The following RANBP2 variants were observed in gnomAD, a reference collection of about 807,000 sequenced individuals.
RANBP2 encodes the protein E3 SUMO-protein ligase RanBP2.
A neutral mutation model predicts 303.6 loss-of-function variants in RANBP2; 57 were observed. The ratio of observed to expected loss-of-function variants is 0.19; its 90% CI spans 0.15 to 0.23. The LOEUF (loss-of-function observed/expected upper bound fraction) is 0.23, where lower values mean the gene tolerates loss of function less well. RANBP2 is among the 10% of genes least tolerant of loss of function. The probability of loss-of-function intolerance (pLI) is 1.00; values close to 1 mark genes in which losing one functional copy is unlikely to be tolerated. For synonymous variants in RANBP2, 1,167 were observed against 1,301.5 expected, an observed-to-expected ratio of 0.90 and a Z score of 2.23; for missense variants, 3,138 against 3,780.8, an observed-to-expected ratio of 0.83 and a Z score of 4.46.
At position 108,768,098 on chromosome 2, in the gene RANBP2, C is replaced by T. The variant is rs1677239708; in HGVS notation, c.7559C>T (p.Ser2520Phe). 1.2e-6 allele frequency: 2 copies of T among 1,611,916 alleles called. No homozygotes were observed. Among genetic ancestry groups the T allele is most frequent in the Non-Finnish European group, 8.5e-7 (1 of 1,179,874 alleles). Residue 2520 changes from serine to phenylalanine, a missense_variant, in exon 20 of 29, where the codon TCT becomes TTT. Coordinates refer to ENST00000283195, the MANE Select transcript of RANBP2 (RefSeq NM_006267.5). Reference sequence around the variant, plus strand: ...CCAAAGTTTGTATTTGGTTCAGAGTCTGTTAAAAGCATTTTTAGTAGTGAA... The same window carrying T: ...CCAAAGTTTGTATTTGGTTCAGAGTTTGTTAAAAGCATTTTTAGTAGTGAA... ...SPPKFVFGSE[S>F]VKSIFSSEKS... is the part of the protein sequence containing the mutation.
the RANBP2 span, chr2:109,371,825 G>A: frequency 9.6e-6 from 7 of 725,838 alleles, no homozygotes; most frequent in African/African-American, 8.8e-5. Flanking sequence ...GCTGCTATGT[G>A]TGGGCTTTGA....
the RANBP2 span, among the ~76,000 whole-genome samples, chr2:109,222,063 C>A: frequency 6.6e-6 from 1 of 151,754 alleles, no homozygotes; most frequent in Non-Finnish European, 1.5e-5. Flanking sequence ...GATGAAACTG[C>A]AGGTGGTTAT....
the RANBP2 span, among the ~76,000 whole-genome samples, chr2:109,481,766 C>T: frequency 5.3e-5 from 8 of 152,114 alleles, no homozygotes; most frequent in African/African-American, 1.2e-4. Flanking sequence ...TGTCACTCCT[C>T]GGCCTCCCCT....
chr2:109,178,430 G>A, the RANBP2 span, among the ~76,000 whole-genome samples: 1 of 151,988 alleles, frequency 6.6e-6, no homozygotes, highest in East Asian at 1.9e-4. Context: ...TTATTGTTTT[G>A]TGAGCTCTAG....
intron 18 of RANBP2, among the ~76,000 whole-genome samples, chr2:108,761,388 A>C (rs1010203199): frequency 4.6e-5 from 7 of 152,136 alleles, no homozygotes; most frequent in African/African-American, 7.2e-5. Context: ...TTCCATGTAC[A>C]GGCATAAAAG....
the RANBP2 span, among the ~76,000 whole-genome samples, chr2:109,458,597 A>AGAGAGAGAGAGAGAGT: frequency 3.3e-5 from 5 of 150,474 alleles, no homozygotes; most frequent in African/African-American, 1.2e-4. Context: ...AGAGAGAGAG[A>AGAGAGAGAGAGAGAGT]GAGAATTTAT....
the RANBP2 span, among the ~76,000 whole-genome samples, chr2:109,505,241 T>C: frequency 6.6e-6 from 1 of 152,186 alleles, no homozygotes; most frequent in African/African-American, 2.4e-5. Flanking sequence ...GGCAGAGGGC[T>C]GGGCCGCCAG....
At chr2:109,370,730 C>T in the RANBP2 span, among the ~76,000 whole-genome samples, 1 of 152,158 alleles carries the variant, frequency 6.6e-6, no homozygotes, top group African/African-American at 2.4e-5. Context: ...GCTCATCTCC[C>T]AGTCTCAACC....
chr2:108,811,268 T>C, the RANBP2 span, among the ~76,000 whole-genome samples: 2 of 115,848 alleles, frequency 1.7e-5, no homozygotes, highest in Non-Finnish European at 3.8e-5. Flanking sequence ...TTTTTGACTG[T>C]CTCCCTCTGT....
At chr2:108,732,759 A>G (rs1199490322) in intron 4 of RANBP2, among the ~76,000 whole-genome samples, 1 of 152,088 alleles carries the variant, frequency 6.6e-6, no homozygotes, top group Non-Finnish European at 1.5e-5. Context: ...TCTGTTCTCC[A>G]TCTTTATACT....
chr2:108,873,510 G>A, the RANBP2 span: 1 of 1,612,260 alleles, frequency 6.2e-7, no homozygotes, highest in Non-Finnish European at 8.5e-7. Flanking sequence ...TACTTGCTCT[G>A]TGCTGCTTCG....
the RANBP2 span, chr2:108,910,990 G>C: frequency 4.0e-4 from 639 of 1,614,176 alleles, 9 homozygotes; most frequent in South Asian, 6.7e-3. Context: ...ACATGATGAT[G>C]AGGACGATGG....
chr2:109,062,974 C>T, the RANBP2 span, among the ~76,000 whole-genome samples: 1 of 152,186 alleles, frequency 6.6e-6, no homozygotes, highest in Non-Finnish European at 1.5e-5. Flanking sequence ...GACCCTGTGC[C>T]AGAAGAGCCA....
At chr2:109,679,960 A>G in the RANBP2 span, among the ~76,000 whole-genome samples, 1 of 152,152 alleles carries the variant, frequency 6.6e-6, no homozygotes, top group East Asian at 1.9e-4. Context: ...GAGCAGACGA[A>G]ATCAGTCAAA....
chr2:109,541,709 T>C, the RANBP2 span, among the ~76,000 whole-genome samples: 1 of 152,220 alleles, frequency 6.6e-6, no homozygotes, highest in Non-Finnish European at 1.5e-5. Context: ...TAGGAATGCC[T>C]CCTTCTTTCA....
intron 21 of RANBP2, 115 bp downstream of exon 21, chr2:108,771,986 G>C (rs1043967612): frequency 1.8e-5 from 24 of 1,298,570 alleles, no homozygotes; most frequent in Non-Finnish European, 2.6e-5. Flanking sequence ...TATCCTTGCA[G>C]GTAGATATTT....
chr2:109,089,435 C>G, the RANBP2 span, among the ~76,000 whole-genome samples: 1 of 150,894 alleles, frequency 6.6e-6, no homozygotes, highest in Non-Finnish European at 1.5e-5. Context: ...AGACCCCCAT[C>G]TCTATTTAAA....
At chr2:109,232,390 C>G in the RANBP2 span, among the ~76,000 whole-genome samples, 1 of 152,208 alleles carries the variant, frequency 6.6e-6, no homozygotes, top group African/African-American at 2.4e-5. Context: ...GTACTTATCA[C>G]TAACTGTGTT....
the RANBP2 span, among the ~76,000 whole-genome samples, chr2:109,514,587 G>A: frequency 6.6e-6 from 1 of 152,140 alleles, no homozygotes; most frequent in Non-Finnish European, 1.5e-5. Flanking sequence ...CCCTAGAGTT[G>A]GGCTCTTTCC....
Sources: gnomAD v4.1 joint callset for allele counts (sites outside exome capture counted in the v4.1 genomes callset) on GRCh38, gnomAD v4.1.1 for gene constraint, MANE v1.5 for transcripts, NCBI Gene and HGNC (gene_info 2026-07-23, HGNC 2026-07-21) for gene names.